The following NXPH1 variants were observed in gnomAD, a reference collection of about 807,000 sequenced individuals.
The protein encoded by NXPH1 is neurexophilin 1.
In NXPH1, 5 loss-of-function variants were observed where a neutral mutation model predicts 23.7. The ratio of observed to expected loss-of-function variants is 0.21; its 90% confidence interval spans 0.11 to 0.44. The LOEUF (loss-of-function observed/expected upper bound fraction) is 0.44, where lower values mean the gene tolerates loss of function less well. NXPH1 is among the 20% of genes least tolerant of loss of function. The pLI is 0.99. For synonymous variants in NXPH1, 144 were observed against 122.2 expected (o/e 1.18, Z -1.18); for missense variants, 324 against 321.6 (o/e 1.01, Z -0.06).
intron 2 of NXPH1, among the ~76,000 whole-genome samples, chr7:8,505,104 A>AT (rs1424888808): frequency 6.6e-6 from 1 of 151,830 alleles, no homozygotes; most frequent in East Asian, 1.9e-4. Flanking sequence ...ATTTTTTGTC[A>AT]TTTTTTGGTT....
intron 2 of NXPH1, among the ~76,000 whole-genome samples, chr7:8,534,371 C>G (rs1402896634): frequency 6.6e-6 from 1 of 152,086 alleles, no homozygotes; most frequent in Non-Finnish European, 1.5e-5. Flanking sequence ...ACAGTGGAAT[C>G]TATTTACTAC....
intron 2 of NXPH1, among the ~76,000 whole-genome samples, chr7:8,712,052 G>T (rs1583241916): frequency 6.6e-6 from 1 of 152,194 alleles, no homozygotes; most frequent in African/African-American, 2.4e-5. Context: ...GCTCAAGGTT[G>T]TTCTTTGCCA....
intron 2 of NXPH1, among the ~76,000 whole-genome samples, chr7:8,443,345 C>T (rs1432573392): frequency 6.6e-6 from 1 of 152,254 alleles, no homozygotes; most frequent in Non-Finnish European, 1.5e-5. Flanking sequence ...ATTAAATCTA[C>T]CCCTCCCCCG....
At chr7:8,695,267 C>G (rs576891594) in intron 2 of NXPH1, among the ~76,000 whole-genome samples, 1 of 152,284 alleles carries the variant, frequency 6.6e-6, no homozygotes, top group South Asian at 2.1e-4. Flanking sequence ...TCCCCACCTT[C>G]TTAAGAGTTA....
rs557049975 is a variant in NXPH1 at position 8,455,597 on chromosome 7, C to T, written c.54+19830C>T. ...AGCCTCGTGGCCTGCATTGCCATTA[C>T]TGTCCAGAGAGAATGTTAATTCCCA... On this transcript the variant is annotated intron_variant, in intron 2 of 2. Coordinates refer to ENST00000405863, the MANE Select transcript of NXPH1 (RefSeq NM_152745.3). Among the ~76,000 whole-genome samples the T allele has an allele frequency of 1.3e-3, 196 of 151,930 alleles. 1 individual carries two copies. The highest frequency in any genetic ancestry group is 0.01 in the Middle Eastern group (3 of 294).
intron 2 of NXPH1, among the ~76,000 whole-genome samples, chr7:8,635,553 A>C (rs1230061601): frequency 6.6e-6 from 1 of 152,230 alleles, no homozygotes; most frequent in East Asian, 1.9e-4. Flanking sequence ...GTATAGAAAA[A>C]AGAAAATAAA....
chr7:8,523,358 G>T (rs1039856425), intron 2 of NXPH1, among the ~76,000 whole-genome samples: 1 of 152,248 alleles, frequency 6.6e-6, no homozygotes, highest in African/African-American at 2.4e-5. Context: ...CCCCAACCAG[G>T]TTTTCACTAC....
intron 2 of NXPH1, among the ~76,000 whole-genome samples, chr7:8,535,324 C>T (rs1467144559): frequency 6.6e-6 from 1 of 152,060 alleles, no homozygotes; most frequent in African/African-American, 2.4e-5. Flanking sequence ...ATAATAGAAT[C>T]TTATGCTTCA....
intron 2 of NXPH1, among the ~76,000 whole-genome samples, chr7:8,462,449 A>G (rs891557931): frequency 6.6e-6 from 1 of 152,252 alleles, no homozygotes; most frequent in African/African-American, 2.4e-5. Flanking sequence ...CTCCCTGGTA[A>G]TAGGTTCTGC....
intron 2 of NXPH1, among the ~76,000 whole-genome samples, chr7:8,744,847 C>T (rs1780441151): frequency 6.6e-6 from 1 of 152,196 alleles, no homozygotes; most frequent in South Asian, 2.1e-4. Flanking sequence ...TTAGATCCAT[C>T]ATTTCTTCCT....
At chr7:8,498,559 C>T (rs913930914) in intron 2 of NXPH1, among the ~76,000 whole-genome samples, 6 of 152,138 alleles carry the variant, frequency 3.9e-5, no homozygotes, top group African/African-American at 1.2e-4. Flanking sequence ...TTGAAATCTC[C>T]ACTTGTGGAA....
At chr7:8,488,481 A>C (rs1200981471) in intron 2 of NXPH1, among the ~76,000 whole-genome samples, 1 of 152,134 alleles carries the variant, frequency 6.6e-6, no homozygotes, top group South Asian at 2.1e-4. Context: ...TATAGAAATC[A>C]AAATGACTGA....
chr7:8,515,159 T>C (rs2128614654), intron 2 of NXPH1, among the ~76,000 whole-genome samples: 1 of 152,252 alleles, frequency 6.6e-6, no homozygotes, highest in South Asian at 2.1e-4. Flanking sequence ...GAATTTCTAA[T>C]CTAGCTGGGC....
chr7:8,457,497 C>CT (rs1222752033), intron 2 of NXPH1, among the ~76,000 whole-genome samples: 2 of 150,914 alleles, frequency 1.3e-5, no homozygotes, highest in Admixed American at 6.6e-5. Context: ...ACATACACTT[C>CT]TTTTTTTGCC....
At chr7:8,565,510 T>G (rs572081597) in intron 2 of NXPH1, among the ~76,000 whole-genome samples, 2 of 106,798 alleles carry the variant, frequency 1.9e-5, no homozygotes, top group East Asian at 5.4e-4. Flanking sequence ...GACATAAATA[T>G]AAAGGAGAGA....
chr7:8,468,136 G>A (rs1418103036), intron 2 of NXPH1, among the ~76,000 whole-genome samples: 1 of 152,042 alleles, frequency 6.6e-6, no homozygotes, highest in Admixed American at 6.6e-5. Flanking sequence ...AAACAAAGCA[G>A]GCTATAGAAT....
intron 2 of NXPH1, among the ~76,000 whole-genome samples, chr7:8,571,041 CTAATCTAATCTAAT>C (rs1296453438): frequency 7.4e-5 from 11 of 149,618 alleles, no homozygotes; most frequent in Admixed American, 3.4e-4. Flanking sequence ...CTAATCTAAT[CTAATCTAATCTAAT>C]CTAATCTAAT....
At chr7:8,672,043 G>T (rs542050092) in intron 2 of NXPH1, among the ~76,000 whole-genome samples, 11 of 152,014 alleles carry the variant, frequency 7.2e-5, no homozygotes, top group Non-Finnish European at 1.0e-4. Flanking sequence ...CTCCCATTTT[G>T]TAGGTTGCCT....
At chr7:8,600,347 T>C (rs1819330052) in intron 2 of NXPH1, among the ~76,000 whole-genome samples, 1 of 152,192 alleles carries the variant, frequency 6.6e-6, no homozygotes, top group Admixed American at 6.5e-5. Flanking sequence ...ATTTCCTACT[T>C]ATGCTTTTGC....
Sources: allele counts gnomAD v4.1 joint callset (sites outside exome capture counted in the v4.1 genomes callset), GRCh38; gene constraint gnomAD v4.1.1; transcripts MANE v1.5; gene names NCBI Gene and HGNC (gene_info 2026-07-23, HGNC 2026-07-21).